Variants in TMEM168 observed in about 807,000 individuals in gnomAD.
TMEM168 encodes the protein transmembrane protein 168.
Under a neutral mutation model 53.2 loss-of-function variants are expected in TMEM168, and 40 were observed. That is an observed-to-expected ratio of 0.75 (90% CI 0.58 to 0.98). TMEM168 has a LOEUF of 0.98. Among genes scored for constraint, TMEM168 ranks in the 50% least tolerant of loss-of-function variants. TMEM168 has a pLI of 0.00. For missense variants in TMEM168, 771 were observed against 828.8 expected, an observed-to-expected ratio of 0.93 and a Z score of 0.86; for synonymous variants, 282 against 293.0, an observed-to-expected ratio of 0.96 and a Z score of 0.38.
rs900736140 is a variant in TMEM168 at position 112,771,334 on chromosome 7, G to A, written c.1546+1447C>T. Among the ~76,000 whole-genome samples, 16 of 152,148 alleles carry A rather than the reference G, an allele frequency of 1.1e-4. No individual in the cohort carries two copies. In the Middle Eastern group the frequency reaches 0.021, roughly 195 times the overall value. On this transcript the variant is annotated intron_variant, in intron 4 of 4. Coordinates refer to ENST00000312814, the MANE Select transcript of TMEM168 (RefSeq NM_022484.6). ...TACACTTTAGGAATCAGGCAGATCTGGTCTTAAATCATGGTTCTATCACAT... is the reference window on the plus strand; with the variant it reads ...TACACTTTAGGAATCAGGCAGATCTAGTCTTAAATCATGGTTCTATCACAT...
At chr7:112,775,575 G>T in intron 2 of TMEM168, among the ~76,000 whole-genome samples, 1 of 145,786 alleles carries the variant, frequency 6.9e-6, no homozygotes. Flanking sequence ...AAAAAGAATT[G>T]TCAAATAACA....
chr7:112,777,926 G>C (rs1012372987), intron 2 of TMEM168, among the ~76,000 whole-genome samples: 9 of 115,652 alleles, frequency 7.8e-5, no homozygotes, highest in African/African-American at 2.3e-4. Flanking sequence ...GTGTGTGTGT[G>C]TGTGTGTGTG....
At chr7:112,772,742 G>C (rs764906214) in intron 4 of TMEM168, 39 bp downstream of exon 4, 1 of 1,589,518 alleles carries the variant, frequency 6.3e-7, no homozygotes, top group Non-Finnish European at 8.6e-7. Flanking sequence ...ATATACATGT[G>C]TATCTTTACA....
intron 2 of TMEM168, among the ~76,000 whole-genome samples, chr7:112,776,465 TGAAC>T (rs1793087042): frequency 6.6e-6 from 1 of 152,092 alleles, no homozygotes; most frequent in Non-Finnish European, 1.5e-5. Context: ...CCTAGGTGCA[TGAAC>T]ACATACTTTT....
chr7:112,774,021 A>C (rs1793001958), intron 3 of TMEM168, among the ~76,000 whole-genome samples: 2 of 152,234 alleles, frequency 1.3e-5, no homozygotes. Context: ...GTCTTTAACG[A>C]AGGAAAATAT....
chr7:112,767,595 C>CTGCAA lies in TMEM168; in HGVS notation c.1691_1695dup (p.Val566LeufsTer8). 6.2e-7 allele frequency: 1 copy of CTGCAA among 1,614,140 alleles called. No homozygotes were observed. Among genetic ancestry groups the CTGCAA allele is most frequent in the Non-Finnish European group, 8.5e-7 (1 of 1,180,006 alleles). ...GTTTTTATCAACTCTGCTCCTTGCA[C>CTGCAA]TGCAATATACTGGTCATTAATTTTC... On this transcript the variant is annotated frameshift_variant, in exon 5 of 5. Transcript: ENST00000312814. LOFTEE classifies it high-confidence loss of function.
At chr7:112,780,523 C>T (rs1793198076) in intron 2 of TMEM168, among the ~76,000 whole-genome samples, 1 of 152,110 alleles carries the variant, frequency 6.6e-6, no homozygotes, top group Non-Finnish European at 1.5e-5. Flanking sequence ...TTACTGATGG[C>T]ACACAGCAAC....
At chr7:112,774,676 G>A (rs1359913369) in intron 3 of TMEM168, among the ~76,000 whole-genome samples, 1 of 151,664 alleles carries the variant, frequency 6.6e-6, no homozygotes, top group Non-Finnish European at 1.5e-5. Context: ...CGCCTCCCAG[G>A]TTCAAGTGAC....
At position 112,784,454 on chromosome 7, in the gene TMEM168, T is replaced by G; in HGVS notation, c.372A>C (p.Lys124Asn). 1.2e-6 allele frequency: 2 copies of G among 1,614,008 alleles called. No homozygotes were observed. Among genetic ancestry groups the G allele is most frequent in the Non-Finnish European group, 1.7e-6 (2 of 1,179,982 alleles). The change falls in exon 2 of 5, where the codon AAA becomes AAC. Residue 124 changes from lysine to asparagine, a missense_variant. Lys to Asn is a moderately conservative substitution (Grantham distance 94, BLOSUM62 0). Transcript: ENST00000312814. Reference protein sequence around the residue: ...FKNDVKEESTKYLLLTSIVLR... With the variant: ...FKNDVKEESTNYLLLTSIVLR... ...ACACTATGGATGTTAGAAGCAAATATTTGGTTGATTCTTCTTTTACATCAT... is the reference window on the plus strand; with the variant it reads ...ACACTATGGATGTTAGAAGCAAATAGTTGGTTGATTCTTCTTTTACATCAT...
chr7:112,763,643 C>T lies in TMEM168; in HGVS notation c.*3554G>A, dbSNP rs949552348. The T allele has an allele frequency of 3.9e-5, 6 of 152,056 alleles. No individual in the cohort carries two copies. Among genetic ancestry groups the T allele is most frequent in the African/African-American group, 1.4e-4 (6 of 41,400 alleles). The allele number at this position is 152,056 out of a possible 1,614,324, so 9.4% of individuals were successfully genotyped here. ...TTCTGGCATACATTATATTAACTATCATCACTTGTGGGAAAGTAATGTAGA... is the reference window on the plus strand; with the variant it reads ...TTCTGGCATACATTATATTAACTATTATCACTTGTGGGAAAGTAATGTAGA... On this transcript the variant is annotated 3_prime_UTR_variant, in exon 5 of 5. Transcript: ENST00000312814.
At position 112,767,587 on chromosome 7, in the gene TMEM168, T is replaced by C; in HGVS notation, c.1704A>G (p.Gly568=). The C allele has an allele frequency of 6.2e-7, 1 of 1,614,178 alleles. No homozygotes were observed. Among genetic ancestry groups the C allele is most frequent in the Admixed American group, 1.7e-5 (1 of 60,010 alleles). ...KINDQYIAVQ[G]AELIKTVDIE... ...TATCTACTGTTTTTATCAACTCTGC[T>C]CCTTGCACTGCAATATACTGGTCAT... is the stretch of plus-strand genomic sequence containing the variant. Residue 568 remains glycine, a synonymous_variant, in exon 5 of 5, where the codon GGA becomes GGG. Coordinates refer to ENST00000312814, the MANE Select transcript of TMEM168 (RefSeq NM_022484.6).
Position 112,775,318 on chromosome 7 carries a change from G to A in TMEM168, c.1129C>T (p.Pro377Ser). The A allele has an allele frequency of 6.2e-7, 1 of 1,611,344 alleles. No individual in the cohort carries two copies. Among genetic ancestry groups the A allele is most frequent in the Non-Finnish European group, 8.5e-7 (1 of 1,178,708 alleles). The change falls in exon 3 of 5, where the codon CCA becomes TCA. Residue 377 changes from proline (P) to serine (S), a missense_variant and splice_region_variant. Coordinates refer to ENST00000312814, the MANE Select transcript of TMEM168 (RefSeq NM_022484.6). ...TAILGAVSWQ[P>S]TNGIFLSMFL... Reference sequence around the variant, plus strand: ...ATGCTCAAGAAAATTCCATTTGTTGGCTAAAAGAAATCCAAAACATGTTTA... The same window carrying A: ...ATGCTCAAGAAAATTCCATTTGTTGACTAAAAGAAATCCAAAACATGTTTA...
chr7:112,765,639 A>G lies in TMEM168; in HGVS notation c.*1558T>C, dbSNP rs1221639941. 6 of 152,288 alleles carry G rather than the reference A, an allele frequency of 3.9e-5. No individual in the cohort carries two copies. The highest frequency in any genetic ancestry group is 7.3e-5 in the Non-Finnish European group (5 of 68,028). 9.4% of individuals were successfully genotyped at this position (152,288 alleles called of 1,614,324 possible). ...CCTTAACCTATAATGGAAACTTCCA[A>G]ACATGAACTCTAAAACATGGGCATT... On this transcript the variant is annotated 3_prime_UTR_variant, in exon 5 of 5. Transcript: ENST00000312814.
chr7:112,788,752 T>C (rs1429288159), intron 1 of TMEM168, among the ~76,000 whole-genome samples: 1 of 152,184 alleles, frequency 6.6e-6, no homozygotes, highest in Non-Finnish European at 1.5e-5. Flanking sequence ...TCCACCATCA[T>C]CTACATTTAA....
rs1792965213 is a variant in TMEM168 at position 112,772,874 on chromosome 7, G to A, written c.1453C>T (p.Leu485Phe). The A allele has an allele frequency of 1.2e-6, 2 of 1,614,070 alleles. No homozygotes were observed. The highest frequency in any genetic ancestry group is 2.7e-5 in the African/African-American group (2 of 75,028). The change falls in exon 4 of 5, where the codon CTC becomes TTC. Residue 485 changes from leucine to phenylalanine, a missense_variant. Physicochemically the swap from Leu to Phe is conservative, Grantham distance 22. Transcript: ENST00000312814. ...DTLHSKLKAFLELRTVDGPRH... is the reference protein window; with the variant it reads ...DTLHSKLKAFFELRTVDGPRH... ...GGTCCATCCACTGTCCGAAGTTCGA[G>A]GAAAGCTTTTAGTTTGGAATGCAGA...
In TMEM168 at chr7:112,784,031, A is replaced by G. The variant is rs1197678782; in HGVS notation, c.795T>C (p.Leu265=). ...FLYRGRICRR[L]SVVFAGMIEL... ...CAATCATTCCAGCAAAAACGACTGA[A>G]AGTCTTCTGCAAATTCTTCCACGGT... Residue 265 remains leucine (L), a synonymous_variant, in exon 2 of 5, where the codon CTT becomes CTC. Transcript: ENST00000312814. The G allele has an allele frequency of 6.2e-7, 1 of 1,612,872 alleles. No homozygotes were observed.
intron 2 of TMEM168, among the ~76,000 whole-genome samples, chr7:112,779,811 T>C (rs1255700180): frequency 6.6e-6 from 1 of 152,256 alleles, no homozygotes; most frequent in Non-Finnish European, 1.5e-5. Flanking sequence ...TTATGCAATG[T>C]CATTTTTAAA....
At chr7:112,779,702 T>G (rs2116276907) in intron 2 of TMEM168, among the ~76,000 whole-genome samples, 1 of 152,348 alleles carries the variant, frequency 6.6e-6, no homozygotes, top group South Asian at 2.1e-4. Context: ...AAGTTGTTAC[T>G]AGTTATTAGA....
rs1283752552 is a variant in TMEM168 at position 112,765,397 on chromosome 7, A to ATACTT, written c.*1795_*1799dup. 2.6e-5 allele frequency: 4 copies of ATACTT among 152,178 alleles called. No individual in the cohort carries two copies. In the South Asian group the frequency reaches 8.3e-4, roughly 31 times the overall value. 9.4% of individuals were successfully genotyped at this position (152,178 alleles called of 1,614,324 possible). A position where few individuals can be genotyped will look rare whatever the true frequency, so the allele number is the denominator to read the frequency against. The stretch of plus-strand genomic sequence containing the variant: ...TACTACCTTATAAAGAATGCAGAAT[A>ATACTT]TACTTTTGTATTTGGCTTTCTTAAA... On this transcript the variant is annotated 3_prime_UTR_variant, in exon 5 of 5. Coordinates refer to ENST00000312814, the MANE Select transcript of TMEM168 (RefSeq NM_022484.6).
Sources: gnomAD v4.1 joint callset for allele counts (sites outside exome capture counted in the v4.1 genomes callset) on GRCh38, gnomAD v4.1.1 for gene constraint, MANE v1.5 for transcripts, NCBI Gene and HGNC (gene_info 2026-07-23, HGNC 2026-07-21) for gene names.